MXD1: variants seen among roughly 807,000 people sequenced by gnomAD.
The protein encoded by MXD1 is MAX-binding protein.
MXD1 carries 9 observed loss-of-function variants against 25.7 expected under a neutral mutation model. That is an observed-to-expected ratio of 0.35 (90% CI 0.21 to 0.61). The LOEUF (loss-of-function observed/expected upper bound fraction) is 0.61. MXD1 is among the 20% of genes least tolerant of loss of function. The pLI, the probability that MXD1 is intolerant of heterozygous loss-of-function variation, is 0.75. For missense variants in MXD1, 227 were observed against 292.4 expected, an observed-to-expected ratio of 0.78 and a Z score of 1.63; for synonymous variants, 99 against 113.9, an observed-to-expected ratio of 0.87 and a Z score of 0.83.
At chr2:69,932,556 G>A (rs1382955778) in intron 3 of MXD1, among the ~76,000 whole-genome samples, 1 of 152,186 alleles carries the variant, frequency 6.6e-6, no homozygotes, top group Non-Finnish European at 1.5e-5. Context: ...TCCTATTTTT[G>A]TAGAACTAGG....
intron 4 of MXD1, among the ~76,000 whole-genome samples, chr2:69,935,883 T>A (rs764539250): frequency 4.4e-4 from 67 of 152,160 alleles, no homozygotes; most frequent in Non-Finnish European, 8.1e-4. Context: ...GAACAGTCCT[T>A]CCAAGGTGCA....
chr2:69,938,299 C>A lies in MXD1; in HGVS notation c.*15C>A, dbSNP rs200626699. ...TTGGTCTCTAAGAGAGTGGGCACTG[C>A]GGCTGTCTCCTTGAAGGTTCTCCCT... On this transcript the variant is annotated 3_prime_UTR_variant, in exon 6 of 6. Coordinates refer to ENST00000264444, the MANE Select transcript of MXD1 (RefSeq NM_002357.4). 9.3e-6 allele frequency: 15 copies of A among 1,612,038 alleles called. No individual in the cohort carries two copies. The highest frequency in any genetic ancestry group is 6.7e-5 in the African/African-American group (5 of 75,006).
At chr2:69,921,840 G>A (rs1377081177) in intron 3 of MXD1, 75 bp downstream of exon 3, 8 of 1,510,784 alleles carry the variant, frequency 5.3e-6, no homozygotes, top group Non-Finnish European at 7.3e-6. Flanking sequence ...AAACTTGGTT[G>A]CTCTTTTTGA....
chr2:69,942,398 T>G lies in MXD1; in HGVS notation c.*4114T>G, dbSNP rs998046509. 1 of 152,194 alleles carries G rather than the reference T, an allele frequency of 6.6e-6. No homozygotes were observed. Among genetic ancestry groups the G allele is most frequent in the African/African-American group, 2.4e-5 (1 of 41,452 alleles). 9.4% of individuals were successfully genotyped at this position (152,194 alleles called of 1,614,324 possible). ...TATCAATATTACATGGATGATTTTCTCAGATTCTTCTGAAAGAAGAAATTG... is the reference window on the plus strand; with the variant it reads ...TATCAATATTACATGGATGATTTTCGCAGATTCTTCTGAAAGAAGAAATTG... On this transcript the variant is annotated 3_prime_UTR_variant, in exon 6 of 6. Coordinates refer to ENST00000264444, the MANE Select transcript of MXD1 (RefSeq NM_002357.4).
Position 69,921,473 on chromosome 2 carries a change from C to T in MXD1, c.174-263C>T, listed in dbSNP as rs2104167185. ...TTGTATAAATAGACCCCTTTTATTT[C>T]TTGTCTTAAAATGGATTATTTTTCC... On this transcript the variant is annotated intron_variant, in intron 2 of 5. Coordinates refer to ENST00000264444, the MANE Select transcript of MXD1 (RefSeq NM_002357.4). Among the ~76,000 whole-genome samples the T allele has an allele frequency of 1.3e-5, 2 of 152,240 alleles. 1 individual carries two copies. Among genetic ancestry groups the T allele is most frequent in the South Asian group, 4.2e-4 (2 of 4,818 alleles).
intron 3 of MXD1, among the ~76,000 whole-genome samples, chr2:69,923,225 C>T (rs1244291176): frequency 6.6e-6 from 1 of 152,166 alleles, no homozygotes; most frequent in Non-Finnish European, 1.5e-5. Flanking sequence ...TGGGTTGAGG[C>T]TCTGCACTCG....
chr2:69,937,940 T>C (rs1677494832), intron 5 of MXD1, among the ~76,000 whole-genome samples, 157 bp from the exon 6 acceptor site: 1 of 151,930 alleles, frequency 6.6e-6, no homozygotes, highest in South Asian at 2.1e-4. Flanking sequence ...AGAAACAGGG[T>C]TTCACTGTGT....
At chr2:69,921,335 G>A (rs947634594) in intron 2 of MXD1, among the ~76,000 whole-genome samples, 1 of 152,146 alleles carries the variant, frequency 6.6e-6, no homozygotes, top group Non-Finnish European at 1.5e-5. Context: ...GCTACCCCTA[G>A]GGAAAACTGC....
At chr2:69,927,344 G>A (rs1677190059) in intron 3 of MXD1, among the ~76,000 whole-genome samples, 3 of 152,182 alleles carry the variant, frequency 2.0e-5, no homozygotes, top group Middle Eastern at 3.2e-3. Context: ...CTGGGATGTT[G>A]TAACAAGTCC....
At chr2:69,928,362 A>T (rs1677210530) in intron 3 of MXD1, among the ~76,000 whole-genome samples, 1 of 152,228 alleles carries the variant, frequency 6.6e-6, no homozygotes, top group Non-Finnish European at 1.5e-5. Flanking sequence ...AAGTTAAGTC[A>T]GATGGGATGT....
At chr2:69,918,362 T>C (rs930136845) in intron 2 of MXD1, among the ~76,000 whole-genome samples, 5 of 152,220 alleles carry the variant, frequency 3.3e-5, no homozygotes, top group African/African-American at 4.8e-5. Context: ...AAAATGCAGA[T>C]CTTATTCACG....
intron 3 of MXD1, among the ~76,000 whole-genome samples, chr2:69,929,849 C>G (rs1230559696): frequency 6.6e-6 from 1 of 152,106 alleles, no homozygotes; most frequent in Non-Finnish European, 1.5e-5. Context: ...GGATTTCTAT[C>G]CTATTCATTT....
chr2:69,935,217 C>T, intron 3 of MXD1, 134 bp from the exon 4 acceptor site: 1 of 649,110 alleles, frequency 1.5e-6, no homozygotes, highest in South Asian at 1.8e-5. Flanking sequence ...TATGTTTATT[C>T]AGCAAAAGGT....
chr2:69,916,266 G>C, intron 2 of MXD1, 46 bp downstream of exon 2: 1 of 1,173,732 alleles, frequency 8.5e-7, no homozygotes, highest in Non-Finnish European at 1.3e-6. Flanking sequence ...TATATTGTAG[G>C]TGACACAAAC....
chr2:69,933,944 G>A (rs559561725), intron 3 of MXD1, among the ~76,000 whole-genome samples: 4 of 152,348 alleles, frequency 2.6e-5, no homozygotes, highest in South Asian at 2.1e-4. Flanking sequence ...GGCAATGAAT[G>A]TTATCTAAAA....
rs1056160051 is a variant in MXD1, at chr2:69,939,314, A to G, written c.*1030A>G. On this transcript the variant is annotated 3_prime_UTR_variant, in exon 6 of 6. Coordinates refer to ENST00000264444, the MANE Select transcript of MXD1 (RefSeq NM_002357.4). ...GAACAGGAGAGGATGGTACACTGTT[A>G]CTAGAACTCCTCTCCTTATTGATTA... The G allele has an allele frequency of 1.3e-5, 2 of 152,628 alleles. No homozygotes were observed. Among genetic ancestry groups the G allele is most frequent in the Non-Finnish European group, 2.9e-5 (2 of 68,022 alleles). 9.5% of individuals were successfully genotyped at this position (152,628 alleles called of 1,614,324 possible).
intron 3 of MXD1, among the ~76,000 whole-genome samples, chr2:69,925,510 C>T (rs138518331): frequency 6.6e-6 from 1 of 152,124 alleles, no homozygotes; most frequent in East Asian, 1.9e-4. Context: ...AGAGGTAACA[C>T]CTGCTAACAT....
chr2:69,922,988 C>G (rs1223583709), intron 3 of MXD1, among the ~76,000 whole-genome samples: 1 of 150,698 alleles, frequency 6.6e-6, no homozygotes, highest in Non-Finnish European at 1.5e-5. Context: ...GCAAAACCAC[C>G]TATTCCCATG....
At chr2:69,923,500 C>T (rs1404439369) in intron 3 of MXD1, among the ~76,000 whole-genome samples, 1 of 152,182 alleles carries the variant, frequency 6.6e-6, no homozygotes, top group African/African-American at 2.4e-5. Context: ...TATGTTTAAT[C>T]AGTGAAAGGG....
Sources: allele counts gnomAD v4.1 joint callset (sites outside exome capture counted in the v4.1 genomes callset), GRCh38; gene constraint gnomAD v4.1.1; transcripts MANE v1.5; gene names NCBI Gene and HGNC (gene_info 2026-07-23, HGNC 2026-07-21).